ADAMTS6: variants seen among roughly 807,000 people sequenced by gnomAD.
ADAMTS6 encodes the protein ADAM metallopeptidase with thrombospondin type 1 motif 6.
Under a neutral mutation model 144.3 loss-of-function variants are expected in ADAMTS6, and 23 were observed. That is an observed-to-expected ratio of 0.16 (90% CI 0.11 to 0.23). The LOEUF is 0.23. Ranked by LOEUF, ADAMTS6 falls within the 10% of genes least tolerant of loss-of-function variation. ADAMTS6 has a pLI of 1.00. For missense variants in ADAMTS6, 999 were observed against 1,379.6 expected, an observed-to-expected ratio of 0.72 and a Z score of 4.37; for synonymous variants, 444 against 457.5, an observed-to-expected ratio of 0.97 and a Z score of 0.38.
intron 11 of ADAMTS6, among the ~76,000 whole-genome samples, chr5:65,284,423 A>G (rs1763212938): frequency 6.6e-6 from 1 of 152,090 alleles, no homozygotes; most frequent in Admixed American, 6.6e-5. Flanking sequence ...CTTACTGAAT[A>G]ATTTTTCAAT....
intron 22 of ADAMTS6, among the ~76,000 whole-genome samples, chr5:65,179,958 G>GCA (rs57687665): frequency 7.8e-3 from 334 of 42,572 alleles, no homozygotes; most frequent in South Asian, 0.028. Context: ...GCACGCACGC[G>GCA]CACACACACA....
At chr5:65,475,622 A>T (rs1760795649) in intron 1 of ADAMTS6, among the ~76,000 whole-genome samples, 1 of 152,220 alleles carries the variant, frequency 6.6e-6, no homozygotes, top group Non-Finnish European at 1.5e-5. Context: ...CATTTCAGAT[A>T]GATCCCGGAA....
chr5:65,334,328 G>A (rs549826189), intron 7 of ADAMTS6, among the ~76,000 whole-genome samples: 4 of 152,170 alleles, frequency 2.6e-5, no homozygotes, highest in African/African-American at 9.7e-5. Context: ...GGTTAAAGTG[G>A]ATTTTTGTAA....
intron 11 of ADAMTS6, among the ~76,000 whole-genome samples, chr5:65,275,419 A>G (rs1017920336): frequency 1.1e-3 from 153 of 142,518 alleles, no homozygotes; most frequent in Admixed American, 3.9e-3. Flanking sequence ...AAGAAAGAAA[A>G]GAAAGAAAGA....
intron 15 of ADAMTS6, 150 bp downstream of exon 15, chr5:65,241,954 T>G (rs975989122): frequency 9.4e-5 from 40 of 424,770 alleles, no homozygotes; most frequent in African/African-American, 7.7e-4. Context: ...GAAGCCTTTA[T>G]AGTACTATAA....
chr5:65,181,167 A>G (rs967756417), intron 22 of ADAMTS6, among the ~76,000 whole-genome samples: 4 of 152,230 alleles, frequency 2.6e-5, no homozygotes, highest in Non-Finnish European at 5.9e-5. Context: ...TATGTACTTT[A>G]TATGTATTGT....
chr5:65,371,146 T>C (rs1294735535), intron 7 of ADAMTS6, among the ~76,000 whole-genome samples: 2 of 151,718 alleles, frequency 1.3e-5, no homozygotes, highest in African/African-American at 4.8e-5. Flanking sequence ...AGACCAAAAG[T>C]AGATAAAACC....
At chr5:65,390,042 C>A (rs935136630) in intron 7 of ADAMTS6, among the ~76,000 whole-genome samples, 1 of 152,020 alleles carries the variant, frequency 6.6e-6, no homozygotes, top group South Asian at 2.1e-4. Context: ...TATAGTAATT[C>A]TAGCACTCTT....
intron 7 of ADAMTS6, among the ~76,000 whole-genome samples, chr5:65,377,738 A>T (rs1238187553): frequency 6.6e-6 from 1 of 152,224 alleles, no homozygotes; most frequent in Non-Finnish European, 1.5e-5. Context: ...TAGCACCAGC[A>T]TCGTAGCTTC....
At position 65,149,697 on chromosome 5, in the gene ADAMTS6, A is replaced by G. The variant is rs550209868; in HGVS notation, c.*2139T>C. ...AAAATCAGATCTGGATTGCAAACCT[A>G]TGCCTAAAATGCCACAGAAACTGCC... On this transcript the variant is annotated 3_prime_UTR_variant, in exon 25 of 25. Coordinates refer to ENST00000381055, the MANE Select transcript of ADAMTS6 (RefSeq NM_197941.4). 3.3e-5 allele frequency: 5 copies of G among 152,772 alleles called. No homozygotes were observed. Among genetic ancestry groups the G allele is most frequent in the East Asian group, 1.9e-4 (1 of 5,178 alleles). 9.5% of individuals were successfully genotyped at this position (152,772 alleles called of 1,614,324 possible). A position where few individuals can be genotyped will look rare whatever the true frequency, so the allele number is the denominator to read the frequency against.
intron 20 of ADAMTS6, among the ~76,000 whole-genome samples, chr5:65,205,385 G>A (rs929767624): frequency 6.6e-6 from 1 of 152,126 alleles, no homozygotes; most frequent in African/African-American, 2.4e-5. Context: ...AAAATTAAAA[G>A]GACATCTCTG....
rs368643379 is a variant in ADAMTS6 at position 65,291,303 on chromosome 5, G to A, written c.1512+26C>T. ...TCATGGAAGAACACGTATAAATGACGAAACATAAGGATGAAGACTTCTTAC... is the reference window on the plus strand; with the variant it reads ...TCATGGAAGAACACGTATAAATGACAAAACATAAGGATGAAGACTTCTTAC... On this transcript the variant is annotated intron_variant, in intron 11 of 24. Transcript: ENST00000381055. The A allele has an allele frequency of 7.7e-5, 123 of 1,591,346 alleles. 1 individual carries two copies. Among genetic ancestry groups the A allele is most frequent in the African/African-American group, 8.1e-5 (6 of 74,110 alleles).
chr5:65,242,570 C>T (rs1759285713), intron 14 of ADAMTS6, among the ~76,000 whole-genome samples: 1 of 152,046 alleles, frequency 6.6e-6, no homozygotes, highest in Admixed American at 6.6e-5. Context: ...TTTTGAGGTC[C>T]AGTTGCCATA....
At chr5:65,257,145 G>C (rs1027489904) in intron 14 of ADAMTS6, among the ~76,000 whole-genome samples, 1 of 151,566 alleles carries the variant, frequency 6.6e-6, no homozygotes, top group South Asian at 2.1e-4. Flanking sequence ...ATTTATTAAG[G>C]AGTTTGATAG....
At chr5:65,302,106 AAATATAT>A (rs1561398136) in intron 9 of ADAMTS6, among the ~76,000 whole-genome samples, 7 of 37,520 alleles carry the variant, frequency 1.9e-4, no homozygotes, top group Admixed American at 3.1e-4. Flanking sequence ...AAAAAAAAAA[AAATATAT>A]ATATATATAT....
intron 7 of ADAMTS6, among the ~76,000 whole-genome samples, chr5:65,402,664 A>G (rs1018923969): frequency 2.0e-5 from 3 of 151,066 alleles, no homozygotes; most frequent in African/African-American, 7.4e-5. Context: ...ATCACAATGA[A>G]TAAATGTCCA....
chr5:65,195,838 A>G (rs1755309162), intron 21 of ADAMTS6, among the ~76,000 whole-genome samples: 1 of 152,222 alleles, frequency 6.6e-6, no homozygotes, highest in Non-Finnish European at 1.5e-5. Context: ...CAATTTCTCA[A>G]ACAAGAATGA....
At chr5:65,171,306 G>C (rs918235111) in intron 23 of ADAMTS6, among the ~76,000 whole-genome samples, 3 of 152,134 alleles carry the variant, frequency 2.0e-5, no homozygotes, top group African/African-American at 7.2e-5. Context: ...ATCGCGCCTG[G>C]CCACAATATT....
At chr5:65,253,490 G>A (rs1760367480) in intron 14 of ADAMTS6, among the ~76,000 whole-genome samples, 1 of 152,082 alleles carries the variant, frequency 6.6e-6, no homozygotes, top group Non-Finnish European at 1.5e-5. Flanking sequence ...TAACTAGTTG[G>A]AAAGTTTTCT....
Sources: gnomAD v4.1 joint callset for allele counts (sites outside exome capture counted in the v4.1 genomes callset) on GRCh38, gnomAD v4.1.1 for gene constraint, MANE v1.5 for transcripts, NCBI Gene and HGNC (gene_info 2026-07-23, HGNC 2026-07-21) for gene names.